The following SCHIP1 variants were observed in gnomAD, a reference collection of about 807,000 sequenced individuals.
SCHIP1 encodes schwannomin-interacting protein 1.
SCHIP1 carries 8 observed loss-of-function variants against 29.7 expected under a neutral mutation model. The observed-to-expected ratio is 0.27, with a 90% CI of 0.16 to 0.49. SCHIP1 has a LOEUF of 0.49. Among genes scored for constraint, SCHIP1 ranks in the 20% least tolerant of loss-of-function variants. The pLI, the probability that SCHIP1 is intolerant of heterozygous loss-of-function variation, is 0.99. For synonymous variants in SCHIP1, 76 were observed against 94.9 expected (o/e 0.80, Z 1.16); for missense variants, 193 against 294.6 (o/e 0.66, Z 2.52).
chr3:159,636,652 G>T, the SCHIP1 span, among the ~76,000 whole-genome samples: 1 of 152,140 alleles, frequency 6.6e-6, no homozygotes, highest in African/African-American at 2.4e-5. Context: ...AACCCAGCAG[G>T]ATCTGAAACA....
At chr3:159,429,316 G>A in the SCHIP1 span, among the ~76,000 whole-genome samples, 1 of 151,450 alleles carries the variant, frequency 6.6e-6, no homozygotes, top group African/African-American at 2.4e-5. Context: ...GTTTTCATAG[G>A]GTCCCCTACT....
chr3:159,637,615 T>C, the SCHIP1 span, among the ~76,000 whole-genome samples: 3 of 152,138 alleles, frequency 2.0e-5, no homozygotes, highest in African/African-American at 4.8e-5. Context: ...CAGACTGGAA[T>C]TCCTTAGAGA....
the SCHIP1 span, among the ~76,000 whole-genome samples, chr3:159,425,236 C>T: frequency 3.9e-5 from 6 of 152,226 alleles, no homozygotes; most frequent in African/African-American, 7.2e-5. Context: ...AATTAAAAGA[C>T]ACAGACTGGC....
intron 2 of SCHIP1, among the ~76,000 whole-genome samples, chr3:159,870,406 C>T (rs1715133426): frequency 6.6e-6 from 1 of 151,900 alleles, no homozygotes; most frequent in Non-Finnish European, 1.5e-5. Context: ...CCAGGTATAA[C>T]TTACAAAGAA....
chr3:159,427,554 C>G, the SCHIP1 span, among the ~76,000 whole-genome samples: 11 of 152,254 alleles, frequency 7.2e-5, no homozygotes, highest in African/African-American at 2.4e-4. Context: ...AGAATACAAA[C>G]AAATGGAAGA....
the SCHIP1 span, among the ~76,000 whole-genome samples, chr3:159,457,442 A>G: frequency 1.3e-5 from 2 of 151,874 alleles, no homozygotes; most frequent in East Asian, 3.9e-4. Context: ...GGGAAGTTGC[A>G]AAATTGGTGC....
the SCHIP1 span, among the ~76,000 whole-genome samples, chr3:159,427,452 T>A: frequency 6.6e-6 from 1 of 151,332 alleles, no homozygotes; most frequent in Non-Finnish European, 1.5e-5. Flanking sequence ...CACAATTGCT[T>A]CAAAGAGAAT....
chr3:159,816,753 C>G, the SCHIP1 span, among the ~76,000 whole-genome samples: 2 of 152,236 alleles, frequency 1.3e-5, no homozygotes, highest in Non-Finnish European at 1.5e-5. Context: ...TTACCACTCC[C>G]TTGTACTCTA....
the SCHIP1 span, among the ~76,000 whole-genome samples, chr3:159,818,993 C>T: frequency 1.2e-4 from 19 of 152,328 alleles, no homozygotes; most frequent in African/African-American, 4.6e-4. Context: ...CCCAGAGCTG[C>T]TTAGCTGGTG....
At chr3:159,488,676 A>G in the SCHIP1 span, among the ~76,000 whole-genome samples, 1 of 152,140 alleles carries the variant, frequency 6.6e-6, no homozygotes, top group Admixed American at 6.5e-5. Flanking sequence ...AGCCCCATAA[A>G]AAAGTCATTC....
the SCHIP1 span, among the ~76,000 whole-genome samples, chr3:159,772,529 T>G: frequency 1.3e-5 from 2 of 152,218 alleles, no homozygotes; most frequent in African/African-American, 4.8e-5. Context: ...TCCCTCCCCC[T>G]TAAACACATA....
At chr3:159,759,013 G>A in the SCHIP1 span, among the ~76,000 whole-genome samples, 41,908 of 152,124 alleles carry the variant, frequency 0.28, 5,866 homozygotes, top group Middle Eastern at 0.35. Context: ...TTCAAGTTTG[G>A]AAAATAGGTT....
chr3:159,795,769 C>A, the SCHIP1 span, among the ~76,000 whole-genome samples: 8,887 of 152,148 alleles, frequency 0.058, 336 homozygotes, highest in South Asian at 0.19. Context: ...GAGGGAACAA[C>A]GTGTGTAAAA....
At chr3:159,694,742 C>T in the SCHIP1 span, among the ~76,000 whole-genome samples, 1 of 152,136 alleles carries the variant, frequency 6.6e-6, no homozygotes, top group African/African-American at 2.4e-5. Flanking sequence ...TCATTAATTC[C>T]AGAAACTGGG....
At chr3:159,446,021 T>TATA in the SCHIP1 span, among the ~76,000 whole-genome samples, 39,309 of 149,652 alleles carry the variant, frequency 0.26, 6,637 homozygotes, top group African/African-American at 0.48. Flanking sequence ...AAACTTAAAG[T>TATA]ATAATAATAA....
the SCHIP1 span, chr3:159,309,236 A>G: frequency 9.5e-6 from 2 of 209,684 alleles, no homozygotes; most frequent in Non-Finnish European, 1.7e-5. Flanking sequence ...CATATATGCA[A>G]TAAATAAACA....
At chr3:159,640,758 C>T in the SCHIP1 span, among the ~76,000 whole-genome samples, 2 of 152,114 alleles carry the variant, frequency 1.3e-5, no homozygotes, top group African/African-American at 4.8e-5. Flanking sequence ...GTTTCATTAC[C>T]ATTGACTGGC....
At chr3:159,389,079 C>T in the SCHIP1 span, among the ~76,000 whole-genome samples, 8 of 151,392 alleles carry the variant, frequency 5.3e-5, no homozygotes, top group African/African-American at 1.5e-4. Flanking sequence ...TGTGGGTGGG[C>T]GTGTGTGTGT....
chr3:159,636,404 AC>A, the SCHIP1 span, among the ~76,000 whole-genome samples: 13 of 152,254 alleles, frequency 8.5e-5, no homozygotes, highest in African/African-American at 3.1e-4. Flanking sequence ...CATAAGCACC[AC>A]ACTGGTAACT....
Sources: allele counts gnomAD v4.1 joint callset (sites outside exome capture counted in the v4.1 genomes callset), GRCh38; gene constraint gnomAD v4.1.1; transcripts MANE v1.5; gene names NCBI Gene and HGNC (gene_info 2026-07-23, HGNC 2026-07-21).